Variants in EYS observed in about 807,000 individuals in gnomAD.
EYS encodes EGF-like photoreceptor maintenance factor.
In EYS, 250 loss-of-function variants were observed where a neutral mutation model predicts 282.1. The ratio of observed to expected loss-of-function variants is 0.89; its 90% confidence interval spans 0.80 to 0.98. EYS has a LOEUF of 0.98. Among genes scored for constraint, EYS ranks in the 50% least tolerant of loss-of-function variants. The probability of loss-of-function intolerance (pLI) is 0.00; values close to 1 mark genes in which losing one functional copy is unlikely to be tolerated. For missense variants in EYS, 4,016 were observed against 3,709.0 expected, an observed-to-expected ratio of 1.08 and a Z score of -2.15; for synonymous variants, 1,355 against 1,282.9, an observed-to-expected ratio of 1.06 and a Z score of -1.20.
At chr6:65,662,301 T>C (rs953530860) in intron 1 of EYS, among the ~76,000 whole-genome samples, 1 of 152,130 alleles carries the variant, frequency 6.6e-6, no homozygotes, top group African/African-American at 2.4e-5. Flanking sequence ...CACTGTGGCT[T>C]AATGAAATGG....
intron 12 of EYS, among the ~76,000 whole-genome samples, chr6:65,183,881 A>C (rs560281248): frequency 6.6e-6 from 1 of 151,994 alleles, no homozygotes; most frequent in East Asian, 2.0e-4. Context: ...CTGCATTGTT[A>C]CCTCATCCTC....
At chr6:64,718,592 CT>C (rs1413606908) in intron 22 of EYS, among the ~76,000 whole-genome samples, 2 of 152,140 alleles carry the variant, frequency 1.3e-5, no homozygotes, top group East Asian at 3.9e-4. Context: ...AACATTCACG[CT>C]TTTCATTGTG....
chr6:64,790,183 A>G (rs1774147364), intron 22 of EYS, among the ~76,000 whole-genome samples: 1 of 152,012 alleles, frequency 6.6e-6, no homozygotes, highest in African/African-American at 2.4e-5. Flanking sequence ...GTATGTTTAT[A>G]GTCACCAAAA....
At position 64,637,605 on chromosome 6, in the gene EYS, TA is replaced by T. The variant is rs1434039079; in HGVS notation, c.3444-11361del. Among the ~76,000 whole-genome samples the T allele has an allele frequency of 3.4e-5, 3 of 87,624 alleles. 1 individual carries two copies. Among genetic ancestry groups the T allele is most frequent in the Admixed American group, 2.5e-4 (2 of 8,084 alleles). 57.5% of individuals were successfully genotyped at this position (87,624 alleles called of 152,430 possible). A position where few individuals can be genotyped will look rare whatever the true frequency, so the allele number is the denominator to read the frequency against. ...ACTTAAAGTATAATAATAACAAAAT[TA>T]AAAAAAAGAGATAACAAGCAAATGG... is the stretch of plus-strand genomic sequence containing the variant. On this transcript the variant is annotated intron_variant, in intron 22 of 42. Transcript: ENST00000503581.
At chr6:65,170,997 A>G (rs1284416165) in intron 12 of EYS, among the ~76,000 whole-genome samples, 1 of 151,526 alleles carries the variant, frequency 6.6e-6, no homozygotes, top group Admixed American at 6.6e-5. Context: ...ACCGTCAACT[A>G]CTTTCTCTCC....
At chr6:64,538,116 T>C (rs1764584681) in intron 26 of EYS, among the ~76,000 whole-genome samples, 1 of 152,162 alleles carries the variant, frequency 6.6e-6, no homozygotes, top group Admixed American at 6.5e-5. Context: ...TTATCCAGAA[T>C]CAGATTTATG....
intron 2 of EYS, among the ~76,000 whole-genome samples, chr6:65,626,995 CCTTT>C (rs1285057572): frequency 5.2e-4 from 75 of 144,660 alleles, no homozygotes; most frequent in African/African-American, 1.9e-3. Flanking sequence ...TTTCAGCCTG[CCTTT>C]CTTTCTCTCT....
intron 36 of EYS, among the ~76,000 whole-genome samples, chr6:63,861,494 C>T (rs929431723): frequency 3.9e-5 from 6 of 152,186 alleles, no homozygotes; most frequent in Non-Finnish European, 8.8e-5. Flanking sequence ...AGCCTTTCAA[C>T]GGTTTCCTAA....
At chr6:65,408,804 T>C (rs972843247) in intron 5 of EYS, among the ~76,000 whole-genome samples, 2 of 152,186 alleles carry the variant, frequency 1.3e-5, no homozygotes, top group Non-Finnish European at 2.9e-5. Flanking sequence ...GCTTAAAATA[T>C]TGATTTGAGA....
At chr6:65,341,313 A>G (rs1770192780) in intron 10 of EYS, among the ~76,000 whole-genome samples, 2 of 151,180 alleles carry the variant, frequency 1.3e-5, no homozygotes, top group Admixed American at 1.3e-4. Context: ...ATGCTTGCTG[A>G]CATAAGTTTT....
intron 2 of EYS, among the ~76,000 whole-genome samples, chr6:65,611,520 A>T (rs1766001885): frequency 6.6e-6 from 1 of 151,974 alleles, no homozygotes; most frequent in African/African-American, 2.4e-5. Context: ...CTAAGTCATG[A>T]CAAGCAGAAA....
In EYS at chr6:64,265,481, C is replaced by T. The variant is rs139507864; in HGVS notation, c.6192-34657G>A. ...TGAAGTTTCTTGAACTCCTCCTGGT[C>T]CTGAACTGGAAATTTTCATGATGTC... On this transcript the variant is annotated intron_variant, in intron 30 of 42. Coordinates refer to ENST00000503581, the MANE Select transcript of EYS (RefSeq NM_001142800.2). Among the ~76,000 whole-genome samples, 43 of 152,144 alleles carry T rather than the reference C, an allele frequency of 2.8e-4. No homozygotes were observed. In the East Asian group the frequency reaches 5.6e-3, roughly 20 times the overall value.
intron 33 of EYS, among the ~76,000 whole-genome samples, chr6:64,017,783 G>A (rs904971158): frequency 6.6e-6 from 1 of 152,180 alleles, no homozygotes; most frequent in African/African-American, 2.4e-5. Flanking sequence ...CAGTCAATAT[G>A]CTCGTAATGA....
intron 26 of EYS, among the ~76,000 whole-genome samples, chr6:64,540,040 A>G (rs987750722): frequency 6.6e-6 from 1 of 152,228 alleles, no homozygotes; most frequent in African/African-American, 2.4e-5. Context: ...CTGCTGCTAC[A>G]TATCAAAGAG....
intron 26 of EYS, among the ~76,000 whole-genome samples, chr6:64,493,172 C>A (rs57416666): frequency 1.3e-5 from 2 of 151,280 alleles, no homozygotes; most frequent in African/African-American, 4.8e-5. Context: ...GATTCAGAAG[C>A]CTTTATTATC....
intron 18 of EYS, among the ~76,000 whole-genome samples, chr6:64,896,520 C>T (rs1767472792): frequency 6.6e-6 from 1 of 150,958 alleles, no homozygotes; most frequent in Non-Finnish European, 1.5e-5. Context: ...TTTGGGCAGA[C>T]ATTGAGCTAG....
chr6:65,555,530 A>G lies in EYS; in HGVS notation c.-332-59537T>C, dbSNP rs1023665617. Among the ~76,000 whole-genome samples, 7 of 152,106 alleles carry G rather than the reference A, an allele frequency of 4.6e-5. No homozygotes were observed. In the South Asian group the frequency reaches 6.2e-4, roughly 13 times the overall value. On this transcript the variant is annotated intron_variant, in intron 2 of 42. Coordinates refer to ENST00000503581, the MANE Select transcript of EYS (RefSeq NM_001142800.2). ...TTTATATATTTAATTTTCACTTTGC[A>G]TAAAACTACATTTGACACTTTTATT...
intron 2 of EYS, among the ~76,000 whole-genome samples, chr6:65,621,822 T>C (rs1562294519): frequency 6.6e-6 from 1 of 152,126 alleles, no homozygotes. Flanking sequence ...CCTTGATGTG[T>C]CTCTTTTACT....
At chr6:65,256,156 C>CA (rs1412837039) in intron 12 of EYS, among the ~76,000 whole-genome samples, 7 of 151,642 alleles carry the variant, frequency 4.6e-5, no homozygotes, top group South Asian at 2.1e-4. Flanking sequence ...CACTGAAGTA[C>CA]TATTCAGTCA....
Sources: gnomAD v4.1 joint callset for allele counts (sites outside exome capture counted in the v4.1 genomes callset) on GRCh38, gnomAD v4.1.1 for gene constraint, MANE v1.5 for transcripts, NCBI Gene and HGNC (gene_info 2026-07-23, HGNC 2026-07-21) for gene names.